ABI3BP: variants seen among roughly 807,000 people sequenced by gnomAD.
ABI3BP encodes target of Nesh-SH3.
In ABI3BP, 216 loss-of-function variants were observed where a neutral mutation model predicts 268.6. That is an observed-to-expected ratio of 0.80 (90% CI 0.72 to 0.90). The LOEUF (loss-of-function observed/expected upper bound fraction) is 0.90. Ranked by LOEUF, ABI3BP falls within the 40% of genes least tolerant of loss-of-function variation. ABI3BP has a pLI of 0.00. For missense variants in ABI3BP, 2,090 were observed against 2,182.4 expected, an observed-to-expected ratio of 0.96 and a Z score of 0.84; for synonymous variants, 730 against 730.0, an observed-to-expected ratio of 1.00 and a Z score of 0.00.
intron 58 of ABI3BP, among the ~76,000 whole-genome samples, chr3:100,779,764 T>C (rs762043681): frequency 3.3e-5 from 5 of 151,774 alleles, no homozygotes; most frequent in African/African-American, 4.9e-5. Flanking sequence ...ACATAAGTAA[T>C]ATCAGGCAAA....
At chr3:100,982,868 G>C (rs1203798523) in intron 1 of ABI3BP, among the ~76,000 whole-genome samples, 1 of 152,092 alleles carries the variant, frequency 6.6e-6, no homozygotes, top group African/African-American at 2.4e-5. Context: ...AAAGTGAAAG[G>C]AGAAGGAAAT....
chr3:100,756,505 A>AGAT (rs2095625779), intron 63 of ABI3BP, among the ~76,000 whole-genome samples: 2 of 152,238 alleles, frequency 1.3e-5, no homozygotes, highest in South Asian at 4.1e-4. Flanking sequence ...TATTTTCCAG[A>AGAT]GATTAAATTT....
At chr3:100,852,157 T>C (rs2098849644) in intron 14 of ABI3BP, among the ~76,000 whole-genome samples, 1 of 152,122 alleles carries the variant, frequency 6.6e-6, no homozygotes, top group African/African-American at 2.4e-5. Flanking sequence ...GGATTTTATA[T>C]AGTGAGCCCT....
At chr3:100,830,487 G>T in intron 32 of ABI3BP, 91 bp downstream of exon 32, 1 of 1,092,028 alleles carries the variant, frequency 9.2e-7, no homozygotes, top group Non-Finnish European at 1.3e-6. Context: ...CAGAAGCCTT[G>T]TGAAGCGGGA....
At chr3:100,899,021 T>C in intron 3 of ABI3BP, 127 bp from the exon 4 acceptor site, 1 of 1,031,422 alleles carries the variant, frequency 9.7e-7, no homozygotes, top group Non-Finnish European at 1.4e-6. Context: ...TTCCTTTCCT[T>C]TTCTATAGTC....
At position 100,810,471 on chromosome 3, in the gene ABI3BP, G is replaced by T; in HGVS notation, c.3548C>A (p.Ser1183Ter). ...SEPPETTLET[S>*]PLPSQSITLP... The stretch of plus-strand genomic sequence containing the variant: ...GGTTATAGATTGAGAAGGCAGAGGC[G>T]ACGTTTCTATGGTAATTGAAGGAAA... Residue 1183 changes from serine (S) to a stop codon, truncating the protein, a stop_gained, in exon 49 of 68, where the codon TCG becomes TAG. Coordinates refer to ENST00000471714, the MANE Select transcript of ABI3BP (RefSeq NM_001375547.2). LOFTEE classifies it high-confidence loss of function. The T allele has an allele frequency of 6.5e-7, 1 of 1,534,720 alleles. No individual in the cohort carries two copies. Among genetic ancestry groups the T allele is most frequent in the Non-Finnish European group, 8.7e-7 (1 of 1,145,914 alleles).
intron 15 of ABI3BP, among the ~76,000 whole-genome samples, chr3:100,851,511 G>A (rs984101558): frequency 2.0e-5 from 3 of 152,140 alleles, no homozygotes; most frequent in African/African-American, 7.2e-5. Context: ...ATATCCTGGG[G>A]AAGGTATGGG....
At chr3:100,829,867 T>A (rs1448963672) in intron 32 of ABI3BP, among the ~76,000 whole-genome samples, 2 of 151,714 alleles carry the variant, frequency 1.3e-5, no homozygotes, top group Admixed American at 6.6e-5. Flanking sequence ...AGTTTATTGA[T>A]GATATTTCAA....
intron 14 of ABI3BP, among the ~76,000 whole-genome samples, chr3:100,852,421 G>C (rs1385801668): frequency 6.6e-6 from 1 of 152,168 alleles, no homozygotes; most frequent in Non-Finnish European, 1.5e-5. Flanking sequence ...AGTTTGCAGA[G>C]ACTTACTCAT....
chr3:100,896,126 A>G (rs536034299), intron 4 of ABI3BP, among the ~76,000 whole-genome samples: 1 of 152,328 alleles, frequency 6.6e-6, no homozygotes, highest in South Asian at 2.1e-4. Context: ...ATCTTTCAAA[A>G]GACTTTATTC....
At chr3:100,881,457 T>G (rs1581740440) in intron 6 of ABI3BP, among the ~76,000 whole-genome samples, 2 of 152,082 alleles carry the variant, frequency 1.3e-5, no homozygotes, top group South Asian at 4.1e-4. Flanking sequence ...CTAGGAAGAT[T>G]TAGATTAAAT....
intron 1 of ABI3BP, among the ~76,000 whole-genome samples, chr3:100,977,994 T>C (rs1463189): frequency 0.25 from 38,549 of 152,046 alleles, 5,705 homozygotes; most frequent in South Asian, 0.43. Flanking sequence ...AAAAGGCATC[T>C]GTCTAGACAG....
At chr3:100,903,548 A>C (rs9832195) in intron 2 of ABI3BP, among the ~76,000 whole-genome samples, 127,084 of 152,154 alleles carry the variant, frequency 0.84, 53,304 homozygotes, top group East Asian at 1. Context: ...TAAACTCTGA[A>C]ACTCGTTCTA....
intron 34 of ABI3BP, among the ~76,000 whole-genome samples, chr3:100,826,740 A>G (rs1460725935): frequency 6.6e-6 from 1 of 152,164 alleles, no homozygotes; most frequent in African/African-American, 2.4e-5. Flanking sequence ...AAAGCACTCA[A>G]GAGGCTGGGT....
At chr3:100,859,774 C>T (rs755580320) in intron 14 of ABI3BP, among the ~76,000 whole-genome samples, 2 of 152,156 alleles carry the variant, frequency 1.3e-5, no homozygotes, top group Non-Finnish European at 2.9e-5. Context: ...TACTTAACTA[C>T]CCACTTTGAA....
intron 2 of ABI3BP, among the ~76,000 whole-genome samples, chr3:100,916,139 A>T (rs576065921): frequency 1.7e-4 from 26 of 152,334 alleles, no homozygotes; most frequent in African/African-American, 5.5e-4. Context: ...CAGAGACTGT[A>T]CACTCGCACA....
rs375835474 is a variant in ABI3BP at position 100,864,867 on chromosome 3, C to G, written c.1029G>C (p.Thr343=). The change falls in exon 11 of 68, where the codon ACG becomes ACC. Residue 343 remains threonine (T), a synonymous_variant. Transcript: ENST00000471714. The part of the protein sequence containing the change: ...ETVPRSTKPT[T]SSALDVSETT... ...TTTCTGAAACATCTAATGCACTAGACGTAGTGGGTTTAGTGCTTCTTGGAA... is the reference window on the plus strand; with the variant it reads ...TTTCTGAAACATCTAATGCACTAGAGGTAGTGGGTTTAGTGCTTCTTGGAA... The G allele has an allele frequency of 1.5e-5, 24 of 1,608,314 alleles. No individual in the cohort carries two copies. The highest frequency in any genetic ancestry group is 2.0e-5 in the Non-Finnish European group (24 of 1,178,160).
At chr3:100,808,469 A>G (rs561200327) in intron 49 of ABI3BP, among the ~76,000 whole-genome samples, 11 of 152,060 alleles carry the variant, frequency 7.2e-5, no homozygotes, top group Non-Finnish European at 1.5e-4. Flanking sequence ...GAAACTTGGG[A>G]TTGCAGAAAT....
chr3:100,753,933 C>T (rs1049473951), intron 64 of ABI3BP, 85 bp from the exon 65 acceptor site: 11 of 1,365,140 alleles, frequency 8.1e-6, no homozygotes, highest in Non-Finnish European at 1.1e-5. Flanking sequence ...TGGGGGCTTA[C>T]ACTTGTTAAG....
Sources: allele counts gnomAD v4.1 joint callset (sites outside exome capture counted in the v4.1 genomes callset), GRCh38; gene constraint gnomAD v4.1.1; transcripts MANE v1.5; gene names NCBI Gene and HGNC (gene_info 2026-07-23, HGNC 2026-07-21).